LIPG: variants seen among roughly 807,000 people sequenced by gnomAD.
LIPG encodes the protein lipase G, endothelial type.
In LIPG, 34 loss-of-function variants were observed where a neutral mutation model predicts 51.8. The observed-to-expected ratio is 0.66, with a 90% CI of 0.50 to 0.87. LIPG has a LOEUF of 0.87. LIPG is among the 40% of genes least tolerant of loss of function. The probability of loss-of-function intolerance (pLI) is 0.00; values close to 1 mark genes in which losing one functional copy is unlikely to be tolerated. For missense variants in LIPG, 580 were observed against 652.7 expected, an observed-to-expected ratio of 0.89 and a Z score of 1.21; for synonymous variants, 246 against 246.1, an observed-to-expected ratio of 1.00 and a Z score of 0.00.
intron 7 of LIPG, 74 bp downstream of exon 7, chr18:49,582,556 G>A (rs560243256): frequency 6.3e-7 from 1 of 1,591,818 alleles, no homozygotes; most frequent in East Asian, 2.2e-5. Flanking sequence ...GCACAAGGGA[G>A]CGTGTGAACG....
chr18:49,564,523 G>A (rs2084582497), intron 1 of LIPG, among the ~76,000 whole-genome samples: 1 of 152,232 alleles, frequency 6.6e-6, no homozygotes, highest in Non-Finnish European at 1.5e-5. Flanking sequence ...CATGGCTTTA[G>A]TCATTTACTT....
Position 49,596,900 on chromosome 18 carries a change from T to C in LIPG, c.*6378T>C, listed in dbSNP as rs2084985919. ...TCTTAGCCCCAGCTCTCTGGTATTC[T>C]GTGTAGCTGACTTCCACAAGGGATC... On this transcript the variant is annotated 3_prime_UTR_variant, in exon 10 of 10. Transcript: ENST00000261292. The C allele has an allele frequency of 1.3e-5, 2 of 152,356 alleles. No homozygotes were observed. Among genetic ancestry groups the C allele is most frequent in the South Asian group, 4.1e-4 (2 of 4,826 alleles). 9.4% of individuals were successfully genotyped at this position (152,356 alleles called of 1,614,324 possible). A position where few individuals can be genotyped will look rare whatever the true frequency, so the allele number is the denominator to read the frequency against.
chr18:49,585,105 A>G (rs894718104), intron 8 of LIPG, among the ~76,000 whole-genome samples: 4 of 152,188 alleles, frequency 2.6e-5, no homozygotes, highest in Non-Finnish European at 5.9e-5. Flanking sequence ...TCTTTCATCC[A>G]GGCTGGAGTG....
At position 49,593,086 on chromosome 18, in the gene LIPG, A is replaced by G. The variant is rs2084961526; in HGVS notation, c.*2564A>G. 6.6e-6 allele frequency: 1 copy of G among 151,916 alleles called. No individual in the cohort carries two copies. Among genetic ancestry groups the G allele is most frequent in the African/African-American group, 2.4e-5 (1 of 41,356 alleles). 9.4% of individuals were successfully genotyped at this position (151,916 alleles called of 1,614,324 possible). A position where few individuals can be genotyped will look rare whatever the true frequency, so the allele number is the denominator to read the frequency against. Reference sequence around the variant, plus strand: ...GCTGGGATTACAGAGATGCGTCACCATGTCTGGCTAATTTTTGTATTTTTA... The same window carrying G: ...GCTGGGATTACAGAGATGCGTCACCGTGTCTGGCTAATTTTTGTATTTTTA... On this transcript the variant is annotated 3_prime_UTR_variant, in exon 10 of 10. Transcript: ENST00000261292.
At chr18:49,569,160 G>A (rs1472244320) in intron 3 of LIPG, among the ~76,000 whole-genome samples, 1 of 152,050 alleles carries the variant, frequency 6.6e-6, no homozygotes, top group Non-Finnish European at 1.5e-5. Context: ...AACAGGAAAT[G>A]TGTAGGGAAC....
chr18:49,566,516 T>C (rs1409813246), intron 2 of LIPG, among the ~76,000 whole-genome samples: 3 of 152,226 alleles, frequency 2.0e-5, no homozygotes, highest in South Asian at 2.1e-4. Context: ...ACAGAAAATC[T>C]ATCTATTTGA....
chr18:49,589,782 A>G (rs1426390388), intron 9 of LIPG: 1 of 153,626 alleles, frequency 6.5e-6, no homozygotes, highest in South Asian at 2.0e-4. Context: ...AAAGGCTAAG[A>G]TATTTATTCT....
chr18:49,581,737 A>ATC, intron 6 of LIPG, 80 bp downstream of exon 6: 1 of 1,554,966 alleles, frequency 6.4e-7, no homozygotes, highest in Non-Finnish European at 8.8e-7. Context: ...AGCAGGGCAC[A>ATC]TCCTAGCCCA....
chr18:49,588,968 G>T (rs1397588387), intron 9 of LIPG, among the ~76,000 whole-genome samples: 2 of 152,166 alleles, frequency 1.3e-5, no homozygotes, highest in African/African-American at 4.8e-5. Context: ...GGCAGGGGTT[G>T]TTAGCCCTGT....
At chr18:49,561,865 G>A (rs1236692930), upstream of LIPG, 3 of 1,267,194 alleles carry the variant, frequency 2.4e-6, no homozygotes, top group Admixed American at 3.7e-5. Context: ...GGGAGGAAGC[G>A]GGGCCGAGCG....
chr18:49,581,791 A>G, intron 6 of LIPG, 134 bp downstream of exon 6: 2 of 1,117,904 alleles, frequency 1.8e-6, no homozygotes, highest in Non-Finnish European at 2.7e-6. Flanking sequence ...TGCAAATCAG[A>G]TTACACTGTG....
intron 8 of LIPG, among the ~76,000 whole-genome samples, chr18:49,586,530 T>C (rs1056435757): frequency 6.6e-6 from 1 of 152,140 alleles, no homozygotes; most frequent in Non-Finnish European, 1.5e-5. Flanking sequence ...GGCAGAGGTC[T>C]GGCAGAGGCT....
At chr18:49,580,160 G>C (rs754473989) in intron 5 of LIPG, among the ~76,000 whole-genome samples, 14 of 152,226 alleles carry the variant, frequency 9.2e-5, no homozygotes, top group Non-Finnish European at 1.8e-4. Context: ...GCAGGGTTGG[G>C]GTTGGTTATG....
In LIPG at chr18:49,581,393, T is replaced by A. The variant is rs373176546; in HGVS notation, c.794-22T>A. 3 of 1,614,056 alleles carry A rather than the reference T, an allele frequency of 1.9e-6. No individual in the cohort carries two copies. In the East Asian group the frequency reaches 6.7e-5, roughly 36 times the overall value. On this transcript the variant is annotated intron_variant, in intron 5 of 9. Coordinates refer to ENST00000261292, the MANE Select transcript of LIPG (RefSeq NM_006033.4). ...ATCAAGAAGGGCTCATCCTGCATGC[T>A]TTTTATCTCTCCCACCCCCAGCAAT...
intron 8 of LIPG, among the ~76,000 whole-genome samples, chr18:49,584,873 CT>C (rs2084865277): frequency 6.6e-6 from 1 of 152,196 alleles, no homozygotes; most frequent in Non-Finnish European, 1.5e-5. Flanking sequence ...ACCATTGAGA[CT>C]CACAAATGTA....
chr18:49,567,318 C>T (rs1411082350), intron 2 of LIPG, 124 bp from the exon 3 acceptor site: 2 of 943,918 alleles, frequency 2.1e-6, no homozygotes, highest in East Asian at 5.3e-5. Context: ...GCCTGGGCAA[C>T]AGAGTGAGAC....
At chr18:49,579,023 A>C (rs1166081713) in intron 5 of LIPG, among the ~76,000 whole-genome samples, 7 of 54 alleles carry the variant, frequency 0.13, 1 homozygote, top group Admixed American at 1. Context: ...AGGGAGAGGG[A>C]GAGGGAGAGG....
intron 9 of LIPG, among the ~76,000 whole-genome samples, chr18:49,589,043 G>C (rs1247661219): frequency 6.6e-6 from 1 of 152,184 alleles, no homozygotes; most frequent in Non-Finnish European, 1.5e-5. Flanking sequence ...AGCAATGGCA[G>C]AGGGAGTTGA....
chr18:49,568,858 C>T (rs2084634194), intron 3 of LIPG, among the ~76,000 whole-genome samples: 1 of 152,090 alleles, frequency 6.6e-6, no homozygotes, highest in South Asian at 2.1e-4. Context: ...CTCGAGCAGT[C>T]CCTCTGTCCT....
Sources: gnomAD v4.1 joint callset for allele counts (sites outside exome capture counted in the v4.1 genomes callset) on GRCh38, gnomAD v4.1.1 for gene constraint, MANE v1.5 for transcripts, NCBI Gene and HGNC (gene_info 2026-07-23, HGNC 2026-07-21) for gene names.